Variants in MAP2K5 observed in about 807,000 individuals in gnomAD.
MAP2K5 encodes mitogen-activated protein kinase kinase 5.
Under a neutral mutation model 83.1 loss-of-function variants are expected in MAP2K5, and 49 were observed. The observed-to-expected ratio is 0.59, with a 90% CI of 0.47 to 0.75. MAP2K5 has a LOEUF of 0.75. Among genes scored for constraint, MAP2K5 ranks in the 30% least tolerant of loss-of-function variants. The pLI, the probability that MAP2K5 is intolerant of heterozygous loss-of-function variation, is 0.00. For synonymous variants in MAP2K5, 202 were observed against 191.8 expected (o/e 1.05, Z -0.44); for missense variants, 457 against 557.5 (o/e 0.82, Z 1.82).
chr15:67,690,596 C>G lies in MAP2K5; in HGVS notation c.848-1883C>G, dbSNP rs551034321. On this transcript the variant is annotated intron_variant, in intron 13 of 21. Coordinates refer to ENST00000178640, the MANE Select transcript of MAP2K5 (RefSeq NM_145160.3). The surrounding 1 kb of genome is among the most constrained non-coding windows in gnomAD (Gnocchi z 4.3). The stretch of plus-strand genomic sequence containing the variant: ...ATACCCAGGCTACAGTGCAGTGGCA[C>G]CATCTCAGCTCACTGCAACCTCTGT... 7.9e-5 allele frequency among the ~76,000 whole-genome samples: 12 copies of G among 151,266 alleles called. No individual in the cohort carries two copies. In the South Asian group the frequency reaches 2.3e-3, roughly 29 times the overall value.
intron 21 of MAP2K5, among the ~76,000 whole-genome samples, chr15:67,800,994 T>G (rs565920893): frequency 6.6e-6 from 1 of 152,350 alleles, no homozygotes; most frequent in East Asian, 1.9e-4. Context: ...TGTTATTTTT[T>G]TAAATCCGTT....
intron 11 of MAP2K5, among the ~76,000 whole-genome samples, chr15:67,651,473 T>C (rs963719138): frequency 6.6e-6 from 1 of 152,200 alleles, no homozygotes; most frequent in African/African-American, 2.4e-5. Context: ...GATCTTATTC[T>C]TTCTATCTGA....
intron 19 of MAP2K5, among the ~76,000 whole-genome samples, chr15:67,752,171 T>C (rs989568654): frequency 6.6e-6 from 1 of 152,008 alleles, no homozygotes; most frequent in Non-Finnish European, 1.5e-5. Flanking sequence ...GTTCAAGCGA[T>C]TCTCCTGTCC....
chr15:67,556,716 TA>T (rs1166664040), intron 2 of MAP2K5, among the ~76,000 whole-genome samples: 3 of 152,150 alleles, frequency 2.0e-5, no homozygotes, highest in Admixed American at 1.3e-4. Context: ...CATGCCCAGC[TA>T]ATTTTTCTAT....
chr15:67,773,542 T>G (rs530450642), intron 21 of MAP2K5, among the ~76,000 whole-genome samples: 2 of 152,340 alleles, frequency 1.3e-5, no homozygotes, highest in Admixed American at 6.5e-5. Context: ...AGATACCAGT[T>G]TAGAGGTTTT....
chr15:67,754,115 CT>C (rs2089780498), intron 19 of MAP2K5, among the ~76,000 whole-genome samples: 1 of 152,126 alleles, frequency 6.6e-6, no homozygotes, highest in African/African-American at 2.4e-5. Context: ...AAGTCAATGA[CT>C]TAGTGATTGC....
chr15:67,609,722 T>C lies in MAP2K5; in HGVS notation c.545+8973T>C, dbSNP rs1186348252. Among the ~76,000 whole-genome samples the C allele has an allele frequency of 2.0e-5, 3 of 151,096 alleles. 1 individual carries two copies. Among genetic ancestry groups the C allele is most frequent in the Non-Finnish European group, 3.0e-5 (2 of 67,626 alleles). ...ATAGGTCTATAGAATAGACTTTGCATATTCTATAAAAAATGTAGAAGAGGT... is the reference window on the plus strand; with the variant it reads ...ATAGGTCTATAGAATAGACTTTGCACATTCTATAAAAAATGTAGAAGAGGT... On this transcript the variant is annotated intron_variant, in intron 8 of 21. Transcript: ENST00000178640.
At chr15:67,723,341 TA>T in intron 16 of MAP2K5, among the ~76,000 whole-genome samples, 1 of 152,328 alleles carries the variant, frequency 6.6e-6, no homozygotes, top group South Asian at 2.1e-4. Context: ...CAAATGCTGC[TA>T]ACTGAAGAGC....
chr15:67,683,742 AT>A (rs1567358770), intron 13 of MAP2K5, among the ~76,000 whole-genome samples: 1 of 130,504 alleles, frequency 7.7e-6, no homozygotes, highest in African/African-American at 2.8e-5. Flanking sequence ...CCTGGGTGAC[AT>A]GAGCAAGACT....
intron 15 of MAP2K5, among the ~76,000 whole-genome samples, chr15:67,694,509 T>C (rs1039563025): frequency 2.0e-5 from 3 of 152,008 alleles, no homozygotes; most frequent in African/African-American, 7.3e-5. Flanking sequence ...CATGAAAAAA[T>C]GCTCATCATC....
At chr15:67,701,150 G>C (rs1233372014) in intron 15 of MAP2K5, among the ~76,000 whole-genome samples, 2 of 151,894 alleles carry the variant, frequency 1.3e-5, no homozygotes, top group African/African-American at 4.8e-5. Context: ...AATGGAGAGA[G>C]GAAGGAAAAA....
intron 7 of MAP2K5, among the ~76,000 whole-genome samples, chr15:67,598,526 C>T (rs1286609860): frequency 1.3e-5 from 2 of 152,206 alleles, no homozygotes; most frequent in East Asian, 3.8e-4. Flanking sequence ...CTCCTCCCTG[C>T]ACTCCTTCCC....
intron 13 of MAP2K5, among the ~76,000 whole-genome samples, chr15:67,671,885 T>A (rs1355205601): frequency 6.8e-6 from 1 of 147,370 alleles, no homozygotes; most frequent in Non-Finnish European, 1.5e-5. Flanking sequence ...ATTGTTCAGT[T>A]CCCACCTATG....
At chr15:67,591,643 A>G (rs1327625311) in intron 6 of MAP2K5, among the ~76,000 whole-genome samples, 1 of 149,888 alleles carries the variant, frequency 6.7e-6, no homozygotes, top group African/African-American at 2.4e-5. Flanking sequence ...TGCTGGGATT[A>G]CAGGCATGAG....
At chr15:67,581,504 A>G (rs890287890) in intron 4 of MAP2K5, among the ~76,000 whole-genome samples, 1 of 152,234 alleles carries the variant, frequency 6.6e-6, no homozygotes, top group Non-Finnish European at 1.5e-5. Flanking sequence ...TATATAAACC[A>G]TTAAGTCTTT....
rs745939123 is a variant in MAP2K5, at chr15:67,769,659, C to T, written c.1192C>T (p.Gln398Ter). Residue 398 changes from glutamine to a stop codon, truncating the protein, a stop_gained, in exon 20 of 22, where the codon CAG (glutamine) becomes TAG (stop). Transcript: ENST00000178640. LOFTEE classifies it high-confidence loss of function. This position sits in a 1 kb window ranked among gnomAD's most constrained non-coding sequence, Gnocchi z 5.2. ...FSEPFVHFIT[Q>*]CMRKQPKERP... is the part of the protein sequence containing the mutation. ...GGAGCCATTTGTACATTTCATCACT[C>T]AGTGGTGAGCCCGTTTACAAACATG... 2 of 1,613,440 alleles carry T rather than the reference C, an allele frequency of 1.2e-6. No individual in the cohort carries two copies. Among genetic ancestry groups the T allele is most frequent in the African/African-American group, 2.7e-5 (2 of 74,860 alleles).
chr15:67,595,744 C>A (rs1793783915), intron 7 of MAP2K5, among the ~76,000 whole-genome samples: 1 of 152,002 alleles, frequency 6.6e-6, no homozygotes, highest in African/African-American at 2.4e-5. Flanking sequence ...AAAAATAAAT[C>A]AGAAGATATT....
chr15:67,742,199 A>G (rs1160259723), intron 17 of MAP2K5, among the ~76,000 whole-genome samples: 1 of 152,234 alleles, frequency 6.6e-6, no homozygotes, highest in East Asian at 1.9e-4. Context: ...CCAAGAAAGA[A>G]CTTTGTTAAC....
In MAP2K5 at chr15:67,543,305, T is replaced by G; in HGVS notation, c.-31T>G. 1 of 1,612,988 alleles carries G rather than the reference T, an allele frequency of 6.2e-7. No homozygotes were observed. On this transcript the variant is annotated 5_prime_UTR_variant, in exon 1 of 22. Transcript: ENST00000178640. This position sits in a 1 kb window ranked among gnomAD's most constrained non-coding sequence, Gnocchi z 4.3. The stretch of plus-strand genomic sequence containing the variant: ...TAACCAGCGGCCAGTGGGTTTCCCA[T>G]ACCCCAGGATGTGAGCCTCTTTAAC...
Sources: allele counts gnomAD v4.1 joint callset (sites outside exome capture counted in the v4.1 genomes callset), GRCh38; gene constraint gnomAD v4.1.1; non-coding constraint Gnocchi (gnomAD v3.1); transcripts MANE v1.5; gene names NCBI Gene and HGNC (gene_info 2026-07-23, HGNC 2026-07-21).